The following HELLS variants were observed in gnomAD, a reference collection of about 807,000 sequenced individuals.
HELLS encodes lymphoid-specific helicase.
In HELLS, 32 loss-of-function variants were observed where a neutral mutation model predicts 120.0. The ratio of observed to expected loss-of-function variants is 0.27; its 90% CI spans 0.20 to 0.36. The LOEUF (loss-of-function observed/expected upper bound fraction) is 0.36. HELLS is among the 10% of genes least tolerant of loss of function. The pLI is 1.00. For synonymous variants in HELLS, 341 were observed against 323.4 expected, an observed-to-expected ratio of 1.05 and a Z score of -0.58; for missense variants, 650 against 993.4, an observed-to-expected ratio of 0.65 and a Z score of 4.65.
At chr10:94,575,745 GT>G (rs1844414165) in intron 9 of HELLS, among the ~76,000 whole-genome samples, 1 of 84,732 alleles carries the variant, frequency 1.2e-5, no homozygotes, top group Non-Finnish European at 2.5e-5. Flanking sequence ...GTATTTGTAG[GT>G]TTTTTGTTGG....
chr10:94,547,928 A>G (rs1169438748), intron 2 of HELLS, among the ~76,000 whole-genome samples: 1 of 152,236 alleles, frequency 6.6e-6, no homozygotes, highest in Non-Finnish European at 1.5e-5. Flanking sequence ...TATATTAACA[A>G]ATTTTCTTTA....
At chr10:94,572,942 T>C (rs1276990053) in intron 7 of HELLS, among the ~76,000 whole-genome samples, 1 of 152,190 alleles carries the variant, frequency 6.6e-6, no homozygotes, top group Admixed American at 6.5e-5. Context: ...TTATGTTCTT[T>C]GATAACTATG....
intron 6 of HELLS, among the ~76,000 whole-genome samples, chr10:94,567,018 C>T (rs962570863): frequency 1.3e-5 from 2 of 152,108 alleles, no homozygotes; most frequent in African/African-American, 4.8e-5. Flanking sequence ...GAATTTCCTG[C>T]TCTCTTTTCC....
In HELLS at chr10:94,568,038, T is replaced by G. The variant is rs185781992; in HGVS notation, c.436-3350T>G. On this transcript the variant is annotated intron_variant, in intron 6 of 21. Transcript: ENST00000348459. ...GATTCTCCTGCCTCAGCATCCTGAG[T>G]AGCTGGGACTACAGGCACACGTCAC... 1.1e-4 allele frequency among the ~76,000 whole-genome samples: 16 copies of G among 151,360 alleles called. No individual in the cohort carries two copies. The East Asian group carries it at 3.1e-3, about 30-fold the overall frequency.
At chr10:94,576,328 T>A (rs927386816) in intron 9 of HELLS, among the ~76,000 whole-genome samples, 1 of 152,142 alleles carries the variant, frequency 6.6e-6, no homozygotes, top group African/African-American at 2.4e-5. Context: ...ATTTTTGTAT[T>A]TTTTGTAGAG....
intron 4 of HELLS, among the ~76,000 whole-genome samples, chr10:94,559,831 T>C (rs1307687152): frequency 6.6e-6 from 1 of 152,202 alleles, no homozygotes; most frequent in Non-Finnish European, 1.5e-5. Flanking sequence ...TGTGTATCGT[T>C]TGGTTGAAAA....
chr10:94,549,342 G>A (rs1303140819), intron 2 of HELLS, among the ~76,000 whole-genome samples: 1 of 152,232 alleles, frequency 6.6e-6, no homozygotes, highest in East Asian at 1.9e-4. Flanking sequence ...GTTCCTTAAT[G>A]AGAAGCATTT....
At chr10:94,579,616 A>T (rs371428488) in intron 10 of HELLS, among the ~76,000 whole-genome samples, 1 of 151,190 alleles carries the variant, frequency 6.6e-6, no homozygotes, top group East Asian at 1.9e-4. Context: ...ATCTCAGCTC[A>T]CTGTAGCCTG....
rs781058612 is a variant in HELLS at position 94,562,897 on chromosome 10, GCACCTAA to G, written c.435+24_435+30del. ...AAGAGGTAAAAATAAAAGGGAGAGG[GCACCTAA>G]CATTTGATGTTGAGTAAAATGTAGG... is the stretch of plus-strand genomic sequence containing the variant. On this transcript the variant is annotated intron_variant, in intron 6 of 21. Coordinates refer to ENST00000348459, the MANE Select transcript of HELLS (RefSeq NM_018063.5). The G allele has an allele frequency of 5.9e-5, 84 of 1,433,348 alleles. 1 individual carries two copies. The East Asian group carries it at 1.9e-3, about 33-fold the overall frequency. The allele number at this position is 1,433,348 out of a possible 1,614,324, so 88.8% of individuals were successfully genotyped here. A position where few individuals can be genotyped will look rare whatever the true frequency, so the allele number is the denominator to read the frequency against.
intron 4 of HELLS, among the ~76,000 whole-genome samples, chr10:94,562,074 C>A (rs1843586474): frequency 6.6e-6 from 1 of 151,806 alleles, no homozygotes; most frequent in South Asian, 2.1e-4. Flanking sequence ...AGCCACCGCG[C>A]CCGGCCAAGA....
chr10:94,613,875 C>T (rs1846218864), exon 10 of HELLS: 1 of 152,088 alleles, frequency 6.6e-6, no homozygotes, highest in Admixed American at 6.6e-5. Flanking sequence ...TATATGTTTT[C>T]CTGTTTAATA....
chr10:94,567,861 A>T (rs1843903337), intron 6 of HELLS, among the ~76,000 whole-genome samples: 1 of 148,210 alleles, frequency 6.7e-6, no homozygotes, highest in South Asian at 2.1e-4. Context: ...GTGAGGTGAG[A>T]TTGCGCCACT....
chr10:94,591,643 G>A (rs80034049), intron 15 of HELLS, among the ~76,000 whole-genome samples: 1 of 152,124 alleles, frequency 6.6e-6, no homozygotes, highest in Non-Finnish European at 1.5e-5. Context: ...AAAGTTTGCT[G>A]CCGCTGCCAA....
exon 10 of HELLS, chr10:94,610,557 G>A (rs181363609): frequency 1.3e-5 from 2 of 151,914 alleles, no homozygotes; most frequent in Non-Finnish European, 2.9e-5. Context: ...TCAGAGAAAG[G>A]TCACCTACAA....
At chr10:94,557,789 T>G (rs1843340497) in intron 3 of HELLS, among the ~76,000 whole-genome samples, 1 of 152,246 alleles carries the variant, frequency 6.6e-6, no homozygotes, top group Non-Finnish European at 1.5e-5. Context: ...ACTGTTGGGC[T>G]CTGTTTGGAT....
At chr10:94,613,351 T>C (rs1324107135) in exon 10 of HELLS, 2 of 152,212 alleles carry the variant, frequency 1.3e-5, no homozygotes, top group South Asian at 2.1e-4. Context: ...CTGCCTATTA[T>C]ATTAATCTCC....
chr10:94,598,558 A>C (rs1033700282), intron 21 of HELLS, among the ~76,000 whole-genome samples: 1 of 151,416 alleles, frequency 6.6e-6, no homozygotes, highest in Admixed American at 6.6e-5. Context: ...TCATTTTAAA[A>C]TTCAATTCTG....
chr10:94,554,038 T>C, intron 2 of HELLS, 88 bp from the exon 3 acceptor site: 1 of 1,194,560 alleles, frequency 8.4e-7, no homozygotes, highest in Non-Finnish European at 1.2e-6. Flanking sequence ...AAAAATGTTA[T>C]TTTAGCCATT....
chr10:94,563,495 T>A (rs1432108823), intron 6 of HELLS, among the ~76,000 whole-genome samples: 1 of 152,068 alleles, frequency 6.6e-6, no homozygotes, highest in Admixed American at 6.6e-5. Context: ...TTTTCTTCTT[T>A]TCTTTTTTTG....
Sources: allele counts gnomAD v4.1 joint callset (sites outside exome capture counted in the v4.1 genomes callset), GRCh38; gene constraint gnomAD v4.1.1; transcripts MANE v1.5; gene names NCBI Gene and HGNC (gene_info 2026-07-23, HGNC 2026-07-21).